ZFAT: variants seen among roughly 807,000 people sequenced by gnomAD.
ZFAT encodes the protein zinc finger and AT-hook domain containing, also known as zinc finger protein ZFAT.
ZFAT carries 64 observed loss-of-function variants against 117.7 expected under a neutral mutation model. The observed-to-expected ratio is 0.54, with a 90% CI of 0.44 to 0.67. The LOEUF (loss-of-function observed/expected upper bound fraction) is 0.67. ZFAT is among the 30% of genes least tolerant of loss of function. ZFAT has a pLI of 0.00. For synonymous variants in ZFAT, 679 were observed against 615.0 expected, an observed-to-expected ratio of 1.10 and a Z score of -1.54; for missense variants, 1,433 against 1,584.5, an observed-to-expected ratio of 0.90 and a Z score of 1.62.
intron 15 of ZFAT, among the ~76,000 whole-genome samples, chr8:134,491,969 C>T (rs556161447): frequency 4.0e-5 from 6 of 151,774 alleles, no homozygotes; most frequent in Admixed American, 3.3e-4. Context: ...AATAACTTTC[C>T]ATTTACTTCT....
At chr8:134,516,100 C>A (rs77080101) in intron 13 of ZFAT, among the ~76,000 whole-genome samples, 4,834 of 152,276 alleles carry the variant, frequency 0.032, 252 homozygotes, top group African/African-American at 0.11. Flanking sequence ...CCATTTCTGG[C>A]TTTTCTCCCC....
intron 10 of ZFAT, among the ~76,000 whole-genome samples, chr8:134,566,262 C>A (rs1037097943): frequency 6.6e-6 from 1 of 151,862 alleles, no homozygotes; most frequent in African/African-American, 2.4e-5. Flanking sequence ...GGCGCAGTCG[C>A]GGGTGCCTGT....
At chr8:134,639,535 G>A (rs1830463797) in intron 2 of ZFAT, among the ~76,000 whole-genome samples, 1 of 152,164 alleles carries the variant, frequency 6.6e-6, no homozygotes, top group Non-Finnish European at 1.5e-5. Context: ...AGAAGGCCCT[G>A]GGAGCCCTCC....
chr8:134,731,202 A>T, the ZFAT span, among the ~76,000 whole-genome samples: 3 of 152,224 alleles, frequency 2.0e-5, no homozygotes, highest in Non-Finnish European at 4.4e-5. Context: ...ATAAGGTTAA[A>T]CTTACATCTT....
At chr8:134,516,747 A>G (rs1347325789) in intron 13 of ZFAT, among the ~76,000 whole-genome samples, 2 of 151,930 alleles carry the variant, frequency 1.3e-5, no homozygotes. Context: ...AGGACTATCT[A>G]CTGTCTCCTG....
At chr8:134,788,428 T>A in the ZFAT span, among the ~76,000 whole-genome samples, 6 of 152,296 alleles carry the variant, frequency 3.9e-5, no homozygotes, top group East Asian at 9.6e-4. Flanking sequence ...TCTCTAATCA[T>A]CTTTTTTACT....
At chr8:134,710,469 A>G (rs1310405797) in intron 1 of ZFAT, among the ~76,000 whole-genome samples, 1 of 152,162 alleles carries the variant, frequency 6.6e-6, no homozygotes, top group East Asian at 1.9e-4. Context: ...AAAAGTTTCC[A>G]TTTGCCCCAA....
rs915213115 is a variant in ZFAT, at chr8:134,602,089, C to T, written c.1630G>A (p.Glu544Lys). ...EACPGDTQLE[E>K]GRKEPEAPGE... ...GGGGCCTCCGGCTCCTTCCGGCCCT[C>T]CTCCAGCTGAGTGTCCCCAGGACAG... The change falls in exon 6 of 16, where the codon GAG (glutamate) becomes AAG (lysine). Residue 544 changes from glutamate to lysine, a missense_variant. Around this residue, in one of 5 missense-constraint regions of ZFAT, gnomAD observed 372 missense variants for 355.6 expected, o/e 1.05. Coordinates refer to ENST00000377838, the MANE Select transcript of ZFAT (RefSeq NM_020863.4). The T allele has an allele frequency of 3.1e-6, 5 of 1,611,708 alleles. No individual in the cohort carries two copies. The highest frequency in any genetic ancestry group is 1.7e-5 in the Admixed American group (1 of 59,778).
At chr8:134,483,532 A>C (rs1025103294) in intron 15 of ZFAT, among the ~76,000 whole-genome samples, 1 of 152,204 alleles carries the variant, frequency 6.6e-6, no homozygotes, top group Non-Finnish European at 1.5e-5. Context: ...CTAGTCGCTT[A>C]ATCTATTAGC....
chr8:134,708,770 T>C (rs1813878315), intron 1 of ZFAT, among the ~76,000 whole-genome samples: 1 of 151,914 alleles, frequency 6.6e-6, no homozygotes, highest in African/African-American at 2.4e-5. Flanking sequence ...CTGACCAACA[T>C]GGTGAAACCC....
chr8:134,601,448 G>A (rs756088533), intron 6 of ZFAT, 29 bp downstream of exon 6: 1 of 1,573,614 alleles, frequency 6.4e-7, no homozygotes, highest in Admixed American at 1.7e-5. Flanking sequence ...TTGTGGACAG[G>A]GCCACGCACC....
intron 3 of ZFAT, 22 bp downstream of exon 3, chr8:134,637,439 T>C: frequency 5.6e-6 from 9 of 1,597,792 alleles, no homozygotes; most frequent in Non-Finnish European, 7.7e-6. Context: ...ATTGACATGT[T>C]CAGCCCTTTG....
intron 1 of ZFAT, among the ~76,000 whole-genome samples, chr8:134,679,990 C>T (rs141239453): frequency 0.019 from 2,916 of 151,884 alleles, 116 homozygotes; most frequent in African/African-American, 0.067. Flanking sequence ...ATACCTAATG[C>T]AGATGACAGG....
chr8:134,818,460 C>CAT, the ZFAT span, among the ~76,000 whole-genome samples: 1 of 152,202 alleles, frequency 6.6e-6, no homozygotes, highest in Non-Finnish European at 1.5e-5. Flanking sequence ...AGACTGACTG[C>CAT]ACCAAATGAT....
chr8:134,585,136 C>T (rs992225355), intron 9 of ZFAT, among the ~76,000 whole-genome samples: 2 of 152,170 alleles, frequency 1.3e-5, no homozygotes, highest in African/African-American at 2.4e-5. Flanking sequence ...TCACTTCCCA[C>T]GAAGTCTTCA....
intron 1 of ZFAT, among the ~76,000 whole-genome samples, chr8:134,688,168 T>C (rs1833423664): frequency 1.3e-5 from 2 of 152,200 alleles, no homozygotes; most frequent in South Asian, 4.1e-4. Context: ...CTGCTAAAGA[T>C]GGTGTCGATG....
At chr8:134,479,021 G>A (rs1341838240) in intron 15 of ZFAT, among the ~76,000 whole-genome samples, 1 of 152,178 alleles carries the variant, frequency 6.6e-6, no homozygotes, top group East Asian at 1.9e-4. Context: ...GGGCTTCCAG[G>A]AGGTGTGGGG....
rs117217041 is a variant in ZFAT, at chr8:134,489,285, C to T, written c.3493-10564G>A. On this transcript the variant is annotated intron_variant, in intron 15 of 15. Coordinates refer to ENST00000377838, the MANE Select transcript of ZFAT (RefSeq NM_020863.4). ...TGGGCCTGAACACAGCAAGAGGGTG[C>T]AGTGATGGGGGCCAGCAGAGGAGCC... Among the ~76,000 whole-genome samples, 735 of 152,098 alleles carry T rather than the reference C, an allele frequency of 4.8e-3. 5 individuals are homozygous for T. Among genetic ancestry groups the T allele is most frequent in the Non-Finnish European group, 7.6e-3 (519 of 67,958 alleles).
At chr8:134,714,717 G>T (rs1274608958), upstream of ZFAT, among the ~76,000 whole-genome samples, 2 of 152,178 alleles carry the variant, frequency 1.3e-5, no homozygotes, top group Admixed American at 1.3e-4. Context: ...ATGAGAAAAT[G>T]GAATGTTCAG....
Sources: gnomAD v4.1 joint callset for allele counts (sites outside exome capture counted in the v4.1 genomes callset) on GRCh38, gnomAD v4.1.1 for gene constraint, gnomAD v4.1.1 regional missense constraint, MANE v1.5 for transcripts, NCBI Gene and HGNC (gene_info 2026-07-23, HGNC 2026-07-21) for gene names.